TRPM3: variants seen among roughly 807,000 people sequenced by gnomAD.
TRPM3 encodes long transient receptor potential channel 3.
Under a neutral mutation model 181.2 loss-of-function variants are expected in TRPM3, and 77 were observed. That is an observed-to-expected ratio of 0.42 (90% confidence interval 0.35 to 0.51). The LOEUF (loss-of-function observed/expected upper bound fraction) is 0.51, where lower values mean the gene tolerates loss of function less well. TRPM3 is among the 20% of genes least tolerant of loss of function. The probability of loss-of-function intolerance (pLI) is 0.01; values close to 1 mark genes in which losing one functional copy is unlikely to be tolerated. For synonymous variants in TRPM3, 745 were observed against 796.4 expected, an observed-to-expected ratio of 0.94 and a Z score of 1.09; for missense variants, 1,759 against 2,196.7, an observed-to-expected ratio of 0.80 and a Z score of 3.98.
intron 1 of TRPM3, among the ~76,000 whole-genome samples, chr9:71,186,641 G>A (rs2077697184): frequency 6.6e-6 from 1 of 152,044 alleles, no homozygotes; most frequent in South Asian, 2.1e-4. Flanking sequence ...GATGAAGTTT[G>A]TTAGGATTTT....
chr9:71,313,906 T>A (rs976709153), intron 1 of TRPM3, among the ~76,000 whole-genome samples: 1 of 152,152 alleles, frequency 6.6e-6, no homozygotes, highest in Non-Finnish European at 1.5e-5. Flanking sequence ...CGGGCAAGAC[T>A]GTTAACATTT....
chr9:71,351,704 T>C (rs1422999973), intron 1 of TRPM3, among the ~76,000 whole-genome samples: 1 of 152,156 alleles, frequency 6.6e-6, no homozygotes, highest in African/African-American at 2.4e-5. Flanking sequence ...CATTTTAAAA[T>C]GTCCAATTTG....
chr9:70,561,082 T>C (rs957612374), intron 22 of TRPM3, among the ~76,000 whole-genome samples: 1 of 152,200 alleles, frequency 6.6e-6, no homozygotes, highest in African/African-American at 2.4e-5. Context: ...TGAAGAAATG[T>C]TTCAAAAGCT....
intron 9 of TRPM3, among the ~76,000 whole-genome samples, chr9:70,673,186 T>G (rs980486446): frequency 4.6e-5 from 7 of 152,164 alleles, no homozygotes; most frequent in Non-Finnish European, 1.0e-4. Context: ...AGTGGATATT[T>G]GGCTTCCAGG....
At chr9:70,772,971 G>A (rs1294620075) in intron 7 of TRPM3, among the ~76,000 whole-genome samples, 1 of 152,126 alleles carries the variant, frequency 6.6e-6, no homozygotes, top group Non-Finnish European at 1.5e-5. Context: ...TATTGTTTTA[G>A]GACCCATATA....
At chr9:71,145,609 T>C (rs1041647728) in intron 1 of TRPM3, among the ~76,000 whole-genome samples, 10 of 152,110 alleles carry the variant, frequency 6.6e-5, no homozygotes, top group Non-Finnish European at 1.2e-4. Context: ...CCGTTTTCTA[T>C]TTTCTCATGT....
chr9:71,336,713 C>T (rs2132575354), intron 1 of TRPM3, among the ~76,000 whole-genome samples: 1 of 152,206 alleles, frequency 6.6e-6, no homozygotes, highest in South Asian at 2.1e-4. Context: ...TACTACAAGG[C>T]TACAGTAACC....
chr9:70,876,255 T>A (rs1564664511), intron 1 of TRPM3, among the ~76,000 whole-genome samples: 2 of 150,868 alleles, frequency 1.3e-5, no homozygotes, highest in African/African-American at 4.9e-5. Flanking sequence ...TAGAAGACAC[T>A]AATATATATA....
At chr9:70,624,873 TTAAA>T (rs1401253744) in intron 14 of TRPM3, among the ~76,000 whole-genome samples, 4 of 152,316 alleles carry the variant, frequency 2.6e-5, no homozygotes, top group African/African-American at 9.6e-5. Flanking sequence ...TTAAAATGGA[TTAAA>T]TATTTTTAGA....
intron 1 of TRPM3, among the ~76,000 whole-genome samples, chr9:71,132,713 C>T (rs539955744): frequency 1.6e-4 from 25 of 152,006 alleles, no homozygotes; most frequent in South Asian, 1.0e-3. Context: ...ATCTATTCTT[C>T]TATTATCCAT....
rs1170967267 is a variant in TRPM3, at chr9:70,533,066, T to A, written c.*2887A>T. On this transcript the variant is annotated 3_prime_UTR_variant, in exon 26 of 26. Transcript: ENST00000677713. ...TCACACGTTTCACAGACGTTAGAAC[T>A]TAATTTTCATGCACAACAAAAGAAT... 1.3e-5 allele frequency: 2 copies of A among 152,246 alleles called. No homozygotes were observed. The highest frequency in any genetic ancestry group is 4.8e-5 in the African/African-American group (2 of 41,472). 9.4% of individuals were successfully genotyped at this position (152,246 alleles called of 1,614,324 possible). A position where few individuals can be genotyped will look rare whatever the true frequency, so the allele number is the denominator to read the frequency against.
intron 1 of TRPM3, among the ~76,000 whole-genome samples, chr9:71,435,862 T>C (rs1041884366): frequency 1.3e-5 from 2 of 152,136 alleles, no homozygotes; most frequent in African/African-American, 4.8e-5. Flanking sequence ...GTTCCCTAAA[T>C]GCAGAAGAGA....
intron 9 of TRPM3, among the ~76,000 whole-genome samples, chr9:70,645,718 T>C (rs1051025575): frequency 6.7e-6 from 1 of 148,992 alleles, no homozygotes; most frequent in Non-Finnish European, 1.5e-5. Flanking sequence ...TGGGATGTAA[T>C]TAAACTAAAG....
At chr9:70,787,277 C>G (rs1202770018) in intron 6 of TRPM3, among the ~76,000 whole-genome samples, 1 of 152,020 alleles carries the variant, frequency 6.6e-6, no homozygotes, top group Non-Finnish European at 1.5e-5. Flanking sequence ...CACATTTAGT[C>G]AAATTTGGTG....
chr9:71,017,263 A>G (rs1271526828), intron 1 of TRPM3, among the ~76,000 whole-genome samples: 2 of 152,056 alleles, frequency 1.3e-5, no homozygotes, highest in African/African-American at 4.8e-5. Flanking sequence ...AGGGCAAGAA[A>G]GGAGAGAAAA....
chr9:70,751,107 C>T (rs921663308), intron 8 of TRPM3, among the ~76,000 whole-genome samples: 1 of 151,604 alleles, frequency 6.6e-6, no homozygotes, highest in Admixed American at 6.6e-5. Context: ...TGCAATTAGA[C>T]TAATTTACCA....
At chr9:71,053,444 C>T (rs915805305) in intron 1 of TRPM3, among the ~76,000 whole-genome samples, 1 of 151,976 alleles carries the variant, frequency 6.6e-6, no homozygotes. Flanking sequence ...AGTTTGTGGC[C>T]CTGAGAAGTT....
chr9:70,884,405 G>A (rs1007104396), intron 1 of TRPM3, among the ~76,000 whole-genome samples: 1 of 152,192 alleles, frequency 6.6e-6, no homozygotes, highest in African/African-American at 2.4e-5. Context: ...GCAGTGACCT[G>A]GTGAAAGCAT....
At chr9:71,092,943 G>A (rs1045065103) in intron 1 of TRPM3, among the ~76,000 whole-genome samples, 11 of 151,916 alleles carry the variant, frequency 7.2e-5, no homozygotes, top group East Asian at 1.9e-4. Flanking sequence ...ATACCACCAC[G>A]CATCTACAAT....
Sources: allele counts gnomAD v4.1 joint callset (sites outside exome capture counted in the v4.1 genomes callset), GRCh38; gene constraint gnomAD v4.1.1; transcripts MANE v1.5; gene names NCBI Gene and HGNC (gene_info 2026-07-23, HGNC 2026-07-21).